CC2D2B: variants seen among roughly 807,000 people sequenced by gnomAD.
CC2D2B encodes protein CC2D2B.
Under a neutral mutation model 161.2 loss-of-function variants are expected in CC2D2B, and 128 were observed. That is an observed-to-expected ratio of 0.79 (90% CI 0.69 to 0.92). The LOEUF (loss-of-function observed/expected upper bound fraction) is 0.92. CC2D2B is among the 40% of genes least tolerant of loss of function. The pLI is 0.00. For missense variants in CC2D2B, 1,173 were observed against 1,375.1 expected (o/e 0.85, Z 2.32); for synonymous variants, 391 against 449.8 (o/e 0.87, Z 1.65).
chr10:95,964,513 G>A (rs919608260), intron 12 of CC2D2B, among the ~76,000 whole-genome samples: 2 of 152,094 alleles, frequency 1.3e-5, no homozygotes, highest in Non-Finnish European at 2.9e-5. Context: ...TGAATCCGAA[G>A]AAAATAATAA....
chr10:95,924,718 A>G, intron 4 of CC2D2B, 61 bp from the exon 5 acceptor site: 1 of 1,160,004 alleles, frequency 8.6e-7, no homozygotes, highest in Non-Finnish European at 1.2e-6. Context: ...AATTTTGGAC[A>G]AAAGACTTAT....
Position 95,927,261 on chromosome 10 carries a change from T to C in CC2D2B, c.265T>C (p.Leu89=), listed in dbSNP as rs201173034. Reference sequence around the variant, plus strand: ...GTTGTCTCCACAGACTGAAGTCTCATTGGATGAAAGTCTTTCATTTTTCAT... The same window carrying C: ...GTTGTCTCCACAGACTGAAGTCTCACTGGATGAAAGTCTTTCATTTTTCAT... The part of the protein sequence containing the change: ...SKLSPQTEVS[L]DESLSFFILS... Residue 89 remains leucine, a synonymous_variant, in exon 6 of 35, where the codon TTG becomes CTG. Transcript: ENST00000646931. The C allele has an allele frequency of 1.0e-3, 1,625 of 1,549,768 alleles. 10 individuals are homozygous for C. Among genetic ancestry groups the C allele is most frequent in the Non-Finnish European group, 7.4e-4 (850 of 1,144,966 alleles).
intron 26 of CC2D2B, among the ~76,000 whole-genome samples, chr10:96,011,497 A>C (rs2078986815): frequency 6.6e-6 from 1 of 152,194 alleles, no homozygotes; most frequent in South Asian, 2.1e-4. Flanking sequence ...GATCTATATC[A>C]AGCACTTGGC....
At chr10:96,028,458 CAA>C (rs2079879157) in intron 34 of CC2D2B, among the ~76,000 whole-genome samples, 1 of 152,024 alleles carries the variant, frequency 6.6e-6, no homozygotes, top group Admixed American at 6.6e-5. Flanking sequence ...GACTTTTATT[CAA>C]AAGACAGACA....
chr10:95,909,853 G>T (rs2098502899), intron 1 of CC2D2B, among the ~76,000 whole-genome samples: 1 of 152,202 alleles, frequency 6.6e-6, no homozygotes, highest in Admixed American at 6.5e-5. Context: ...AATTGATTTA[G>T]AAATTTGTTT....
intron 10 of CC2D2B, among the ~76,000 whole-genome samples, chr10:95,950,795 C>T (rs552721053): frequency 3.1e-4 from 47 of 152,226 alleles, no homozygotes; most frequent in Admixed American, 9.8e-4. Context: ...TCATAAATAT[C>T]TGTTATGAAC....
chr10:96,000,517 C>T (rs938601572), intron 24 of CC2D2B, among the ~76,000 whole-genome samples: 2 of 151,996 alleles, frequency 1.3e-5, no homozygotes, highest in South Asian at 2.1e-4. Flanking sequence ...GTGCCTGCCA[C>T]CACGCCCAGC....
chr10:96,033,012 A>G lies in CC2D2B; in HGVS notation c.*1004A>G, dbSNP rs1714010333. 6.6e-6 allele frequency among the ~76,000 whole-genome samples: 1 copy of G among 152,212 alleles called. No homozygotes were observed. The highest frequency in any genetic ancestry group is 2.1e-4 in the South Asian group (1 of 4,832). On this transcript the variant is annotated 3_prime_UTR_variant, in exon 35 of 35. Coordinates refer to ENST00000646931, the MANE Select transcript of CC2D2B (RefSeq NM_001349008.3). ...ATTGTTTTGTCCTTCATTAAAAGAA[A>G]TGTGTTTATATAATTTACTTACATA...
At chr10:95,919,173 C>T (rs941197319) in intron 2 of CC2D2B, 1 of 152,056 alleles carries the variant, frequency 6.6e-6, no homozygotes, top group African/African-American at 2.4e-5. Context: ...GGTCTTGAAG[C>T]TTGTGGGTGT....
intron 2 of CC2D2B, among the ~76,000 whole-genome samples, chr10:95,918,023 T>G (rs2098519811): frequency 1.3e-5 from 2 of 152,158 alleles, no homozygotes; most frequent in South Asian, 4.1e-4. Flanking sequence ...GTGTTCCGCC[T>G]ACCTCAGCCT....
intron 18 of CC2D2B, among the ~76,000 whole-genome samples, chr10:95,982,590 C>A (rs112755795): frequency 9.6e-4 from 146 of 152,252 alleles, no homozygotes; most frequent in African/African-American, 3.4e-3. Flanking sequence ...AGAAGGGTGT[C>A]CATAGCGGTT....
intron 14 of CC2D2B, among the ~76,000 whole-genome samples, chr10:95,966,628 GT>G (rs943485866): frequency 3.4e-4 from 51 of 152,000 alleles, no homozygotes; most frequent in African/African-American, 1.2e-3. Flanking sequence ...AATTTGCAGG[GT>G]TTTTTTGTTT....
Position 95,924,259 on chromosome 10 carries a change from T to A in CC2D2B, c.98-55T>A. ...TTAATAAATACTTTTGCTGCTATTG[T>A]TGTTTAATTATAATAAAGTGTCATA... On this transcript the variant is annotated intron_variant, in intron 3 of 34. Coordinates refer to ENST00000646931, the MANE Select transcript of CC2D2B (RefSeq NM_001349008.3). 3.4e-6 allele frequency: 3 copies of A among 894,966 alleles called. No homozygotes were observed. In the East Asian group the frequency reaches 8.9e-5, roughly 26 times the overall value. 55.4% of individuals were successfully genotyped at this position (894,966 alleles called of 1,614,324 possible).
intron 33 of CC2D2B, among the ~76,000 whole-genome samples, chr10:96,025,185 A>AT (rs1491443122): frequency 0.055 from 889 of 16,066 alleles, 16 homozygotes; most frequent in Non-Finnish European, 0.083. Flanking sequence ...ATATATATAT[A>AT]AAAAAAAATA....
At chr10:95,959,594 T>C (rs965190571) in intron 11 of CC2D2B, among the ~76,000 whole-genome samples, 2 of 152,312 alleles carry the variant, frequency 1.3e-5, no homozygotes, top group South Asian at 4.1e-4. Context: ...GCATAGATAC[T>C]AATGTACTAA....
intron 6 of CC2D2B, among the ~76,000 whole-genome samples, chr10:95,933,985 G>GC (rs2075713007): frequency 6.6e-6 from 1 of 152,176 alleles, no homozygotes; most frequent in South Asian, 2.1e-4. Context: ...GCCCACAGCC[G>GC]CCCCTTCCCC....
In CC2D2B at chr10:96,012,250, T is replaced by G. The variant is rs531851637; in HGVS notation, c.3111T>G (p.Tyr1037Ter). The G allele has an allele frequency of 2.8e-6, 2 of 710,820 alleles. No homozygotes were observed. The highest frequency in any genetic ancestry group is 1.8e-5 in the African/African-American group (1 of 56,964). 44.0% of individuals were successfully genotyped at this position (710,820 alleles called of 1,614,324 possible). A position where few individuals can be genotyped will look rare whatever the true frequency, so the allele number is the denominator to read the frequency against. The stretch of plus-strand genomic sequence containing the variant: ...TCGGGTATACTTGGAGTAATACTTA[T>G]GTATTTCCTAAAGAAGATTCCAATG... ...VLLGYTWSNTYVFPKEDSNEQ... is the reference protein window; with the variant it reads ...VLLGYTWSNT The change falls in exon 27 of 35, where the codon TAT (tyrosine) becomes TAG (stop). Residue 1037 changes from tyrosine to a stop codon, truncating the protein, a stop_gained. Coordinates refer to ENST00000646931, the MANE Select transcript of CC2D2B (RefSeq NM_001349008.3). LOFTEE classifies it high-confidence loss of function.
chr10:95,955,269 G>A, intron 10 of CC2D2B, 125 bp from the exon 11 acceptor site: 1 of 392,296 alleles, frequency 2.5e-6, no homozygotes. Flanking sequence ...TGGAAGATAA[G>A]CCAATAATAC....
At chr10:95,975,997 T>G (rs1486688720) in intron 17 of CC2D2B, among the ~76,000 whole-genome samples, 1 of 152,244 alleles carries the variant, frequency 6.6e-6, no homozygotes. Flanking sequence ...TTTGTCCTCC[T>G]CACTCTGAGG....
Sources: allele counts gnomAD v4.1 joint callset (sites outside exome capture counted in the v4.1 genomes callset), GRCh38; gene constraint gnomAD v4.1.1; transcripts MANE v1.5; gene names NCBI Gene and HGNC (gene_info 2026-07-23, HGNC 2026-07-21).